The following GSE1 variants were observed in gnomAD, a reference collection of about 807,000 sequenced individuals.
GSE1 encodes Gse1 coiled-coil protein.
A neutral mutation model predicts 112.6 loss-of-function variants in GSE1; 32 were observed. The observed-to-expected ratio is 0.28, with a 90% CI of 0.21 to 0.38. GSE1 has a LOEUF of 0.38. Ranked by LOEUF, GSE1 falls within the 10% of genes least tolerant of loss-of-function variation. GSE1 has a pLI of 1.00. For missense variants in GSE1, 2,348 were observed against 1,699.2 expected, an observed-to-expected ratio of 1.38 and a Z score of -6.71; for synonymous variants, 1,115 against 735.6, an observed-to-expected ratio of 1.52 and a Z score of -8.35.
intron 1 of GSE1, among the ~76,000 whole-genome samples, chr16:85,310,123 G>A (rs1423406653): frequency 6.6e-6 from 1 of 152,180 alleles, no homozygotes; most frequent in Non-Finnish European, 1.5e-5. Flanking sequence ...CTAGGGCTAG[G>A]GGCACCACGC....
chr16:85,361,359 A>C, intron 2 of GSE1, among the ~76,000 whole-genome samples: 2 of 130,336 alleles, frequency 1.5e-5, no homozygotes, highest in African/African-American at 2.8e-5. Context: ...GGGCAGAGAC[A>C]CACAGAGACA....
At chr16:85,224,661 A>C (rs2075451803) in intron 1 of GSE1, among the ~76,000 whole-genome samples, 1 of 152,084 alleles carries the variant, frequency 6.6e-6, no homozygotes, top group African/African-American at 2.4e-5. Flanking sequence ...TTACCTTCTG[A>C]TGGCAGGGGA....
At chr16:85,399,031 G>A (rs953433527) in intron 2 of GSE1, among the ~76,000 whole-genome samples, 7 of 151,872 alleles carry the variant, frequency 4.6e-5, no homozygotes, top group Non-Finnish European at 1.0e-4. Flanking sequence ...GGCAGACATT[G>A]GCAGACACAT....
intron 1 of GSE1, among the ~76,000 whole-genome samples, chr16:85,602,569 G>C (rs1414126049): frequency 6.6e-6 from 1 of 152,056 alleles, no homozygotes; most frequent in African/African-American, 2.4e-5. Context: ...CGCTGCTCCA[G>C]AACCCGGCCT....
At chr16:85,221,050 G>A (rs1028527449) in intron 1 of GSE1, among the ~76,000 whole-genome samples, 1 of 150,486 alleles carries the variant, frequency 6.6e-6, no homozygotes, top group African/African-American at 2.4e-5. Flanking sequence ...CCCCCTCTCC[G>A]AGACCCTGCG....
intron 2 of GSE1, among the ~76,000 whole-genome samples, chr16:85,439,855 C>T (rs1443852913): frequency 6.6e-6 from 1 of 152,182 alleles, no homozygotes; most frequent in African/African-American, 2.4e-5. Context: ...CATAAACTCA[C>T]AGGCATGCAC....
intron 1 of GSE1, among the ~76,000 whole-genome samples, chr16:85,268,488 G>A (rs1310635895): frequency 6.6e-6 from 1 of 152,182 alleles, no homozygotes; most frequent in Non-Finnish European, 1.5e-5. Flanking sequence ...CTATGAGTGG[G>A]GAGGGGGGTT....
chr16:85,239,362 GT>G (rs1471353599), intron 1 of GSE1, among the ~76,000 whole-genome samples: 1 of 152,250 alleles, frequency 6.6e-6, no homozygotes, highest in Admixed American at 6.5e-5. Flanking sequence ...AGCACCAGGT[GT>G]GAGGCAGGGC....
intron 2 of GSE1, among the ~76,000 whole-genome samples, chr16:85,637,850 G>A (rs576920359): frequency 1.1e-4 from 16 of 152,312 alleles, no homozygotes; most frequent in Admixed American, 4.6e-4. Flanking sequence ...CAGCGGGCTA[G>A]CGGCTGAGCT....
At chr16:85,270,296 C>T (rs1908704713) in intron 1 of GSE1, among the ~76,000 whole-genome samples, 1 of 148,910 alleles carries the variant, frequency 6.7e-6, no homozygotes, top group South Asian at 2.1e-4. Flanking sequence ...TGTTGAGGCC[C>T]AGGTGATGAT....
At chr16:85,506,921 C>G (rs1307304507) in intron 2 of GSE1, among the ~76,000 whole-genome samples, 2 of 152,194 alleles carry the variant, frequency 1.3e-5, no homozygotes, top group Non-Finnish European at 2.9e-5. Flanking sequence ...GAGGCCCCGA[C>G]AGCCCCCTCC....
intron 2 of GSE1, among the ~76,000 whole-genome samples, chr16:85,495,384 C>T (rs1280879900): frequency 5.3e-5 from 8 of 152,278 alleles, no homozygotes; most frequent in East Asian, 1.9e-4. Flanking sequence ...AAGGCCGATA[C>T]TGTCTTGCTG....
At chr16:85,247,014 C>CA (rs1905928806) in intron 1 of GSE1, among the ~76,000 whole-genome samples, 1 of 152,064 alleles carries the variant, frequency 6.6e-6, no homozygotes, top group African/African-American at 2.4e-5. Context: ...TAGAGGGGGG[C>CA]ACCGCCTTCT....
chr16:85,182,719 A>G (rs1334669002), intron 1 of GSE1, among the ~76,000 whole-genome samples: 1 of 152,124 alleles, frequency 6.6e-6, no homozygotes, highest in Non-Finnish European at 1.5e-5. Context: ...GCAGGTCTTC[A>G]GGGAGGCAGG....
At chr16:85,571,093 G>A (rs768938962) in intron 1 of GSE1, among the ~76,000 whole-genome samples, 15 of 152,150 alleles carry the variant, frequency 9.9e-5, no homozygotes, top group African/African-American at 1.9e-4. Context: ...CCAGTGACCC[G>A]GATCTTGCTA....
intron 1 of GSE1, among the ~76,000 whole-genome samples, chr16:85,350,557 A>G (rs1567705714): frequency 6.6e-6 from 1 of 151,816 alleles, no homozygotes; most frequent in African/African-American, 2.4e-5. Flanking sequence ...CGCCCCCACC[A>G]TCTGCACCCA....
At chr16:85,587,170 C>G (rs1468862362) in intron 1 of GSE1, among the ~76,000 whole-genome samples, 1 of 123,476 alleles carries the variant, frequency 8.1e-6, no homozygotes, top group Admixed American at 7.7e-5. Flanking sequence ...AGGACGAAAC[C>G]CCCCCCCCCC....
At chr16:85,306,833 CGGAAAGG>C (rs1013275025) in intron 1 of GSE1, among the ~76,000 whole-genome samples, 1 of 152,226 alleles carries the variant, frequency 6.6e-6, no homozygotes, top group African/African-American at 2.4e-5. Context: ...GAGCATTTTC[CGGAAAGG>C]AGAGTGGCCT....
chr16:85,569,973 CGG>C (rs1567600481), intron 1 of GSE1, among the ~76,000 whole-genome samples: 1 of 152,164 alleles, frequency 6.6e-6, no homozygotes, highest in African/African-American at 2.4e-5. Flanking sequence ...CCGCCTCTGT[CGG>C]AGGAGGACAG....
Sources: gnomAD v4.1 joint callset for allele counts (sites outside exome capture counted in the v4.1 genomes callset) on GRCh38, gnomAD v4.1.1 for gene constraint, MANE v1.5 for transcripts, NCBI Gene and HGNC (gene_info 2026-07-23, HGNC 2026-07-21) for gene names.